TRDN: variants seen among roughly 807,000 people sequenced by gnomAD.
TRDN encodes the protein triadin in skeletal muscle.
A neutral mutation model predicts 149.7 loss-of-function variants in TRDN; 161 were observed. The observed-to-expected ratio is 1.08, with a 90% CI of 0.95 to 1.23. The LOEUF is 1.23. TRDN is among the 50% of genes most tolerant of loss of function. The pLI is 0.00. For synonymous variants in TRDN, 294 were observed against 250.5 expected (o/e 1.17, Z -1.64); for missense variants, 896 against 823.5 (o/e 1.09, Z -1.08).
chr6:123,528,377 C>G (rs1004552750), intron 5 of TRDN, among the ~76,000 whole-genome samples: 33 of 151,146 alleles, frequency 2.2e-4, no homozygotes, highest in African/African-American at 7.5e-4. Flanking sequence ...ATCATATTGT[C>G]CCTTGAAGGG....
intron 2 of TRDN, among the ~76,000 whole-genome samples, chr6:123,553,566 A>G (rs1438409716): frequency 6.6e-6 from 1 of 152,144 alleles, no homozygotes; most frequent in Non-Finnish European, 1.5e-5. Context: ...CCGTTTCCAT[A>G]CTGCTGATAA....
At chr6:123,421,728 G>A (rs1562305128) in intron 12 of TRDN, 1 of 150,062 alleles carries the variant, frequency 6.7e-6, no homozygotes, top group Non-Finnish European at 1.5e-5. Flanking sequence ...TAGAACTTTG[G>A]AAGGTGTAGG....
intron 1 of TRDN, among the ~76,000 whole-genome samples, chr6:123,617,494 G>C (rs139633699): frequency 6.6e-6 from 1 of 151,996 alleles, no homozygotes; most frequent in Non-Finnish European, 1.5e-5. Flanking sequence ...AAAAAATAAA[G>C]TGCCTCTCTA....
chr6:123,538,576 T>C (rs903960473), intron 4 of TRDN, among the ~76,000 whole-genome samples: 14 of 152,168 alleles, frequency 9.2e-5, no homozygotes, highest in Non-Finnish European at 1.2e-4. Context: ...TATGACTTAA[T>C]GGGCAACCAC....
rs527688140 is a variant in TRDN, at chr6:123,590,455, T to TA, written c.23-19324dup. ...TGAGTTGTATAATTATTTTATTATATATTACAATGTAATAATAATAGAAAC... is the reference window on the plus strand; with the variant it reads ...TGAGTTGTATAATTATTTTATTATATAATTACAATGTAATAATAATAGAAAC... On this transcript the variant is annotated intron_variant, in intron 1 of 40. Coordinates refer to ENST00000334268, the MANE Select transcript of TRDN (RefSeq NM_006073.4). Among the ~76,000 whole-genome samples, 398 of 152,242 alleles carry TA rather than the reference T, an allele frequency of 2.6e-3. 1 individual carries two copies. The highest frequency in any genetic ancestry group is 4.2e-3 in the Non-Finnish European group (289 of 68,006).
chr6:123,382,267 G>T, intron 14 of TRDN, 120 bp from the exon 15 acceptor site: 1 of 632,120 alleles, frequency 1.6e-6, no homozygotes, highest in Non-Finnish European at 2.5e-6. Flanking sequence ...TTGATCATTT[G>T]TATATTTCTA....
intron 26 of TRDN, among the ~76,000 whole-genome samples, chr6:123,277,347 A>G (rs1263787470): frequency 1.3e-5 from 2 of 152,128 alleles, no homozygotes; most frequent in African/African-American, 4.8e-5. Flanking sequence ...GCACCTATGG[A>G]GGACATAAAT....
At chr6:123,297,678 A>G (rs1333450458) in intron 24 of TRDN, among the ~76,000 whole-genome samples, 1 of 152,020 alleles carries the variant, frequency 6.6e-6, no homozygotes, top group Non-Finnish European at 1.5e-5. Flanking sequence ...GATTTGGTTG[A>G]AATGTAGTGC....
chr6:123,373,573 A>G (rs532206446), intron 19 of TRDN, among the ~76,000 whole-genome samples: 29 of 152,214 alleles, frequency 1.9e-4, no homozygotes, highest in African/African-American at 6.5e-4. Flanking sequence ...CCTAGAGTAA[A>G]CAATCCCATA....
chr6:123,366,672 C>T (rs1252025465), intron 19 of TRDN, among the ~76,000 whole-genome samples: 1 of 152,104 alleles, frequency 6.6e-6, no homozygotes, highest in Admixed American at 6.6e-5. Context: ...CGCCCGCCAC[C>T]ATGCCCAGCT....
chr6:123,472,421 G>T (rs955344381), intron 9 of TRDN, among the ~76,000 whole-genome samples: 1 of 152,224 alleles, frequency 6.6e-6, no homozygotes, highest in African/African-American at 2.4e-5. Context: ...CACCTGGCTC[G>T]GAGGGTCCTA....
chr6:123,564,677 T>C (rs898327810), intron 2 of TRDN, among the ~76,000 whole-genome samples: 5 of 152,198 alleles, frequency 3.3e-5, no homozygotes, highest in African/African-American at 9.6e-5. Context: ...TTCCTACTAT[T>C]ATGTCTTTGC....
intron 9 of TRDN, chr6:123,470,078 G>A (rs1777066299): frequency 6.6e-6 from 1 of 151,952 alleles, no homozygotes; most frequent in South Asian, 2.1e-4. Flanking sequence ...ACAGGTCTAG[G>A]GACTGGGATT....
At chr6:123,585,973 G>A (rs976514353) in intron 1 of TRDN, among the ~76,000 whole-genome samples, 75 of 152,110 alleles carry the variant, frequency 4.9e-4, no homozygotes, top group Admixed American at 7.2e-4. Flanking sequence ...ATTTAATGTC[G>A]GGAGCAGATT....
chr6:123,376,886 C>T (rs530477339), intron 18 of TRDN, among the ~76,000 whole-genome samples: 2 of 150,878 alleles, frequency 1.3e-5, no homozygotes, highest in African/African-American at 2.4e-5. Flanking sequence ...ATCACCCATA[C>T]ACACACACAC....
chr6:123,565,112 A>G (rs1782213564), intron 2 of TRDN, among the ~76,000 whole-genome samples: 1 of 152,218 alleles, frequency 6.6e-6, no homozygotes, highest in Non-Finnish European at 1.5e-5. Flanking sequence ...TCATAAATAA[A>G]GCAAAAGAAA....
At chr6:123,325,480 T>C (rs545102459) in intron 23 of TRDN, among the ~76,000 whole-genome samples, 2 of 152,230 alleles carry the variant, frequency 1.3e-5, no homozygotes, top group Non-Finnish European at 2.9e-5. Flanking sequence ...AGGAGGACAA[T>C]GACATGAGTG....
chr6:123,587,016 CCCT>C (rs1343253501), intron 1 of TRDN, among the ~76,000 whole-genome samples: 2 of 151,828 alleles, frequency 1.3e-5, no homozygotes, highest in Non-Finnish European at 2.9e-5. Context: ...GGGTACTTGC[CCCT>C]CCTCTAGAAA....
intron 2 of TRDN, among the ~76,000 whole-genome samples, chr6:123,569,783 C>T (rs1323563440): frequency 1.3e-5 from 2 of 152,064 alleles, no homozygotes; most frequent in Non-Finnish European, 2.9e-5. Context: ...GAGGACAGCA[C>T]CAAGGGGACA....
Sources: allele counts gnomAD v4.1 joint callset (sites outside exome capture counted in the v4.1 genomes callset), GRCh38; gene constraint gnomAD v4.1.1; transcripts MANE v1.5; gene names NCBI Gene and HGNC (gene_info 2026-07-23, HGNC 2026-07-21).